QTMAN: variants seen among roughly 807,000 people sequenced by gnomAD.
QTMAN encodes the protein tRNA-queuosine alpha-mannosyltransferase.
the QTMAN span, among the ~76,000 whole-genome samples, chr2:144,305,073 A>G: frequency 6.6e-6 from 1 of 152,070 alleles, no homozygotes; most frequent in Non-Finnish European, 1.5e-5. Flanking sequence ...TATTTTTGAT[A>G]GTGTCTTTTA....
the QTMAN span, among the ~76,000 whole-genome samples, chr2:144,181,043 A>G: frequency 6.6e-6 from 1 of 152,182 alleles, no homozygotes; most frequent in Non-Finnish European, 1.5e-5. Flanking sequence ...ATGACATTGT[A>G]TTTAATGTTT....
At chr2:144,141,890 A>T in the QTMAN span, 189 of 1,610,180 alleles carry the variant, frequency 1.2e-4, no homozygotes, top group African/African-American at 2.4e-3. Context: ...ACCTGCTCAC[A>T]TCAGGAAACC....
At chr2:144,146,544 A>C in the QTMAN span, among the ~76,000 whole-genome samples, 1 of 151,792 alleles carries the variant, frequency 6.6e-6, no homozygotes, top group African/African-American at 2.4e-5. Context: ...CTAACCAGGA[A>C]GAACAGAAAA....
At chr2:144,163,381 A>C in the QTMAN span, among the ~76,000 whole-genome samples, 7 of 152,200 alleles carry the variant, frequency 4.6e-5, no homozygotes, top group Non-Finnish European at 8.8e-5. Flanking sequence ...ATTTCTACTT[A>C]TAAAATATTC....
the QTMAN span, among the ~76,000 whole-genome samples, chr2:143,994,069 G>A: frequency 6.6e-6 from 1 of 152,104 alleles, no homozygotes; most frequent in East Asian, 1.9e-4. Flanking sequence ...TTCAATACAT[G>A]TTTGGGATAA....
At chr2:144,332,557 CCGCGGCCGCCTCGGCCTCCGGGCG>C in the QTMAN span, 1 of 148,564 alleles carries the variant, frequency 6.7e-6, no homozygotes, top group Non-Finnish European at 1.5e-5. Flanking sequence ...CCCTCCCGGC[CCGCGGCCGCCTCGGCCTCCGGGCG>C]CGTCAGGCGC....
the QTMAN span, among the ~76,000 whole-genome samples, chr2:144,180,095 A>C: frequency 1.3e-5 from 2 of 152,194 alleles, no homozygotes; most frequent in African/African-American, 4.8e-5. Flanking sequence ...GAAGATGAAA[A>C]CATACAGTGG....
chr2:143,951,623 G>A, the QTMAN span, among the ~76,000 whole-genome samples: 14 of 151,620 alleles, frequency 9.2e-5, no homozygotes, highest in Admixed American at 5.9e-4. Context: ...GGGAAGAAAG[G>A]CTTATCCTCA....
At chr2:144,311,746 G>A in the QTMAN span, among the ~76,000 whole-genome samples, 8 of 152,144 alleles carry the variant, frequency 5.3e-5, no homozygotes, top group African/African-American at 1.9e-4. Context: ...GGTATTCACT[G>A]TTCTTTCCAA....
At chr2:144,286,090 A>G in the QTMAN span, among the ~76,000 whole-genome samples, 1 of 152,208 alleles carries the variant, frequency 6.6e-6, no homozygotes, top group Non-Finnish European at 1.5e-5. Flanking sequence ...CCAACACACT[A>G]AGAAGATGCT....
At chr2:144,096,894 C>T in the QTMAN span, among the ~76,000 whole-genome samples, 4 of 152,152 alleles carry the variant, frequency 2.6e-5, no homozygotes, top group East Asian at 5.8e-4. Context: ...GACTTATTGT[C>T]AGCCAAAATG....
the QTMAN span, among the ~76,000 whole-genome samples, chr2:144,180,114 G>GA: frequency 1.1e-3 from 170 of 152,258 alleles, 1 homozygote; most frequent in African/African-American, 3.9e-3. Flanking sequence ...GGAACAAACA[G>GA]AAAAAACAGG....
chr2:144,173,321 A>T, the QTMAN span, among the ~76,000 whole-genome samples: 1 of 152,196 alleles, frequency 6.6e-6, no homozygotes, highest in Non-Finnish European at 1.5e-5. Flanking sequence ...ACTGTAGAAT[A>T]CAGAAAAGGT....
the QTMAN span, among the ~76,000 whole-genome samples, chr2:144,297,437 T>C: frequency 1.3e-5 from 2 of 152,116 alleles, no homozygotes; most frequent in East Asian, 3.8e-4. Context: ...CTCATGACTT[T>C]TCTGGTCCCT....
chr2:144,261,808 T>C, the QTMAN span, among the ~76,000 whole-genome samples: 1 of 152,250 alleles, frequency 6.6e-6, no homozygotes, highest in Non-Finnish European at 1.5e-5. Context: ...GAAAATTGTT[T>C]TGCTGGAAGA....
chr2:144,218,879 A>C, the QTMAN span, among the ~76,000 whole-genome samples: 1 of 150,262 alleles, frequency 6.7e-6, no homozygotes. Flanking sequence ...CCATAATCTC[A>C]CAATTCAATT....
At chr2:143,962,100 C>T in the QTMAN span, among the ~76,000 whole-genome samples, 1 of 152,092 alleles carries the variant, frequency 6.6e-6, no homozygotes, top group East Asian at 1.9e-4. Flanking sequence ...TCTTCACCTA[C>T]AAAGTGCCTT....
chr2:144,168,876 T>C, the QTMAN span, among the ~76,000 whole-genome samples: 14 of 152,188 alleles, frequency 9.2e-5, no homozygotes, highest in South Asian at 2.3e-3. Flanking sequence ...TTAGAATCAC[T>C]GAAACTTCAT....
chr2:143,993,483 G>A, the QTMAN span, among the ~76,000 whole-genome samples: 7 of 151,970 alleles, frequency 4.6e-5, no homozygotes, highest in Admixed American at 1.3e-4. Flanking sequence ...ACATCTGGGT[G>A]GGCCCTCAAT....
Sources: allele counts gnomAD v4.1 joint callset (sites outside exome capture counted in the v4.1 genomes callset), GRCh38; gene constraint gnomAD v4.1.1; transcripts MANE v1.5; gene names NCBI Gene and HGNC (gene_info 2026-07-23, HGNC 2026-07-21).